Variants in BCKDHB observed in about 807,000 individuals in gnomAD.
The protein encoded by BCKDHB is 2-oxoisovalerate dehydrogenase subunit beta, mitochondrial.
A neutral mutation model predicts 48.5 loss-of-function variants in BCKDHB; 41 were observed. That is an observed-to-expected ratio of 0.85 (90% CI 0.66 to 1.10). The LOEUF (loss-of-function observed/expected upper bound fraction) is 1.10. Ranked by LOEUF, BCKDHB falls within the 50% of genes least tolerant of loss-of-function variation. The pLI is 0.00. For synonymous variants in BCKDHB, 201 were observed against 174.8 expected, an observed-to-expected ratio of 1.15 and a Z score of -1.18; for missense variants, 496 against 494.2, an observed-to-expected ratio of 1.00 and a Z score of -0.03.
chr6:80,371,403 T>C, the BCKDHB span, among the ~76,000 whole-genome samples: 1 of 152,172 alleles, frequency 6.6e-6, no homozygotes, highest in Non-Finnish European at 1.5e-5. Flanking sequence ...GTCAGACATA[T>C]AGATTGTGAA....
intron 8 of BCKDHB, among the ~76,000 whole-genome samples, chr6:80,241,034 A>G (rs1219032316): frequency 6.6e-6 from 1 of 151,890 alleles, no homozygotes; most frequent in African/African-American, 2.4e-5. Context: ...CTTCCACTTG[A>G]TCGAATCGGC....
intron 6 of BCKDHB, among the ~76,000 whole-genome samples, chr6:80,176,715 C>G (rs1294954427): frequency 6.6e-6 from 1 of 152,056 alleles, no homozygotes; most frequent in Admixed American, 6.6e-5. Flanking sequence ...AGCACTTAAG[C>G]AGATAATTAA....
chr6:80,442,443 G>A, the BCKDHB span, among the ~76,000 whole-genome samples: 10 of 152,044 alleles, frequency 6.6e-5, no homozygotes, highest in Non-Finnish European at 1.0e-4. Context: ...GTGTATAGTT[G>A]TGAACATACC....
At chr6:80,239,778 T>C (rs1196203847) in intron 8 of BCKDHB, among the ~76,000 whole-genome samples, 2 of 152,190 alleles carry the variant, frequency 1.3e-5, no homozygotes, top group Non-Finnish European at 2.9e-5. Context: ...TTAATTTTTG[T>C]GTAAGATGTA....
chr6:80,273,171 G>T lies in BCKDHB; in HGVS notation c.988G>T (p.Glu330Ter). 1 of 1,613,416 alleles carries T rather than the reference G, an allele frequency of 6.2e-7. No individual in the cohort carries two copies. Among genetic ancestry groups the T allele is most frequent in the Non-Finnish European group, 8.5e-7 (1 of 1,179,632 alleles). ...AACAGGGCGACTGCTAATCAGTCAC[G>T]AGGCTCCCTTGACAGGCGGCTTTGC... ...IKTGRLLISH[E>*]APLTGGFASE... is the part of the protein sequence containing the mutation. The change falls in exon 9 of 10, where the codon GAG (glutamate) becomes TAG (stop). Residue 330 changes from glutamate to a stop codon, truncating the protein, a stop_gained. Transcript: ENST00000320393. LOFTEE classifies it high-confidence loss of function.
At chr6:80,262,028 C>T (rs186082391) in intron 8 of BCKDHB, among the ~76,000 whole-genome samples, 28 of 152,244 alleles carry the variant, frequency 1.8e-4, no homozygotes, top group East Asian at 9.7e-4. Flanking sequence ...AAGGGTAGAG[C>T]GTGCAGTTCC....
chr6:80,219,390 A>G (rs1014725378), intron 8 of BCKDHB, among the ~76,000 whole-genome samples: 1 of 152,130 alleles, frequency 6.6e-6, no homozygotes, highest in Admixed American at 6.5e-5. Context: ...ATTTTTTAGT[A>G]GAGACGGGAT....
At chr6:80,108,448 A>T (rs1311877829) in intron 1 of BCKDHB, among the ~76,000 whole-genome samples, 2 of 151,790 alleles carry the variant, frequency 1.3e-5, no homozygotes, top group African/African-American at 4.8e-5. Flanking sequence ...CTAAAATCTA[A>T]GTAAAATGAT....
intron 8 of BCKDHB, among the ~76,000 whole-genome samples, chr6:80,242,683 G>A (rs1489778535): frequency 2.6e-5 from 4 of 152,072 alleles, no homozygotes; most frequent in Admixed American, 1.3e-4. Context: ...ATATTGGATT[G>A]TCTTTATTTA....
At chr6:80,422,621 T>G in the BCKDHB span, among the ~76,000 whole-genome samples, 4 of 152,130 alleles carry the variant, frequency 2.6e-5, no homozygotes, top group Non-Finnish European at 5.9e-5. Flanking sequence ...GCCTTAGGAG[T>G]GCACTTCTTG....
intron 3 of BCKDHB, among the ~76,000 whole-genome samples, chr6:80,139,588 A>C (rs1771078684): frequency 6.6e-6 from 1 of 151,294 alleles, no homozygotes; most frequent in Non-Finnish European, 1.5e-5. Flanking sequence ...TGTTTTTCTC[A>C]GGTTTGTCAA....
intron 9 of BCKDHB, among the ~76,000 whole-genome samples, chr6:80,332,942 A>G (rs925399422): frequency 4.6e-5 from 7 of 152,054 alleles, no homozygotes; most frequent in Admixed American, 3.3e-4. Context: ...AAAAAAAAGT[A>G]CAAATTCGTA....
intron 6 of BCKDHB, among the ~76,000 whole-genome samples, chr6:80,173,097 A>C (rs1241487488): frequency 6.6e-6 from 1 of 152,160 alleles, no homozygotes; most frequent in Non-Finnish European, 1.5e-5. Context: ...CTGAGTAAGA[A>C]AGATTTGAAA....
chr6:80,153,057 T>C (rs1310431212), intron 3 of BCKDHB, among the ~76,000 whole-genome samples: 1 of 152,222 alleles, frequency 6.6e-6, no homozygotes, highest in Non-Finnish European at 1.5e-5. Flanking sequence ...TTGCTGTAGA[T>C]ACACAGCTGC....
At chr6:80,256,557 A>G (rs1777060464) in intron 8 of BCKDHB, among the ~76,000 whole-genome samples, 1 of 152,222 alleles carries the variant, frequency 6.6e-6, no homozygotes, top group Non-Finnish European at 1.5e-5. Context: ...ATATACACAC[A>G]CATATATAAA....
At chr6:80,236,386 C>CCACT (rs1437408295) in intron 8 of BCKDHB, among the ~76,000 whole-genome samples, 2 of 152,094 alleles carry the variant, frequency 1.3e-5, no homozygotes, top group Non-Finnish European at 2.9e-5. Flanking sequence ...AAATGAAAGT[C>CCACT]CACTGTTTGG....
chr6:80,115,711 A>C (rs1179445104), intron 1 of BCKDHB, among the ~76,000 whole-genome samples: 4 of 150,118 alleles, frequency 2.7e-5, no homozygotes, highest in Non-Finnish European at 5.9e-5. Context: ...ATCTTGGCCC[A>C]CTGCAGGCTC....
intron 9 of BCKDHB, among the ~76,000 whole-genome samples, chr6:80,295,574 G>A (rs549776011): frequency 1.4e-4 from 21 of 145,244 alleles, no homozygotes; most frequent in East Asian, 6.3e-4. Context: ...CAGCCAAATC[G>A]TATTACTTGG....
At chr6:80,332,358 T>C (rs1769355943) in intron 9 of BCKDHB, among the ~76,000 whole-genome samples, 1 of 152,120 alleles carries the variant, frequency 6.6e-6, no homozygotes, top group Admixed American at 6.5e-5. Flanking sequence ...GTTGCTTTAA[T>C]TGCAAAGAAA....
Sources: gnomAD v4.1 joint callset for allele counts (sites outside exome capture counted in the v4.1 genomes callset) on GRCh38, gnomAD v4.1.1 for gene constraint, MANE v1.5 for transcripts, NCBI Gene and HGNC (gene_info 2026-07-23, HGNC 2026-07-21) for gene names.